The following OTUD7A variants were observed in gnomAD, a reference collection of about 807,000 sequenced individuals.
OTUD7A encodes the protein OTU deubiquitinase 7A, also known as OTU domain-containing protein 7A.
OTUD7A carries 12 observed loss-of-function variants against 65.7 expected under a neutral mutation model. The observed-to-expected ratio is 0.18, with a 90% confidence interval of 0.12 to 0.30. The LOEUF is 0.30. OTUD7A is among the 10% of genes least tolerant of loss of function. The pLI is 1.00. For synonymous variants in OTUD7A, 641 were observed against 586.3 expected (o/e 1.09, Z -1.35); for missense variants, 1,148 against 1,304.8 (o/e 0.88, Z 1.85).
intron 1 of OTUD7A, among the ~76,000 whole-genome samples, chr15:31,850,965 TCCCAC>T (rs1441284204): frequency 1.3e-5 from 2 of 151,816 alleles, no homozygotes; most frequent in Admixed American, 1.3e-4. Context: ...AGACAACAGC[TCCCAC>T]CCCACCAACA....
chr15:31,799,964 C>T (rs1896074879), intron 1 of OTUD7A, among the ~76,000 whole-genome samples: 1 of 152,158 alleles, frequency 6.6e-6, no homozygotes. Flanking sequence ...GGGAACCACA[C>T]ATTATGCTCT....
At chr15:31,840,644 G>A (rs1290050545) in intron 1 of OTUD7A, among the ~76,000 whole-genome samples, 1 of 151,960 alleles carries the variant, frequency 6.6e-6, no homozygotes, top group Admixed American at 6.5e-5. Flanking sequence ...CACTGGTAGT[G>A]GTGGAAAACA....
At chr15:31,615,463 G>A (rs1413718812) in intron 3 of OTUD7A, among the ~76,000 whole-genome samples, 1 of 152,062 alleles carries the variant, frequency 6.6e-6, no homozygotes, top group African/African-American at 2.4e-5. Flanking sequence ...AGGAAAAATC[G>A]ACAGAAAATA....
At chr15:31,814,525 TTC>T (rs1896500638) in intron 1 of OTUD7A, among the ~76,000 whole-genome samples, 1 of 151,206 alleles carries the variant, frequency 6.6e-6, no homozygotes, top group South Asian at 2.1e-4. Context: ...CTTGCGTAAG[TTC>T]TTTTTTTTTT....
At chr15:31,816,706 ATC>A (rs1567038595) in intron 1 of OTUD7A, among the ~76,000 whole-genome samples, 69 of 152,304 alleles carry the variant, frequency 4.5e-4, no homozygotes, top group African/African-American at 1.6e-3. Flanking sequence ...AAAAATTAGA[ATC>A]ACATGTTAAA....
At chr15:31,820,672 T>C (rs1175279815) in intron 1 of OTUD7A, among the ~76,000 whole-genome samples, 3 of 152,232 alleles carry the variant, frequency 2.0e-5, no homozygotes, top group African/African-American at 7.2e-5. Flanking sequence ...GTCCCAACAC[T>C]GGATCCAGTG....
At chr15:31,617,958 G>A (rs1303638840) in intron 3 of OTUD7A, among the ~76,000 whole-genome samples, 1 of 147,196 alleles carries the variant, frequency 6.8e-6, no homozygotes, top group Non-Finnish European at 1.5e-5. Flanking sequence ...GCCCTGGTGT[G>A]TGATGTTCCC....
At chr15:31,836,512 G>T (rs568562834) in intron 1 of OTUD7A, among the ~76,000 whole-genome samples, 29 of 152,104 alleles carry the variant, frequency 1.9e-4, no homozygotes, top group African/African-American at 7.0e-4. Context: ...CCAACTAATT[G>T]TATGAGGCTC....
chr15:31,603,651 A>G (rs553645787), intron 3 of OTUD7A, among the ~76,000 whole-genome samples: 368 of 152,350 alleles, frequency 2.4e-3, no homozygotes, highest in Middle Eastern at 0.01. Flanking sequence ...ATTAGAGTGA[A>G]CAGGCAACCT....
intron 9 of OTUD7A, among the ~76,000 whole-genome samples, chr15:31,502,462 G>A (rs749407837): frequency 3.3e-5 from 5 of 152,180 alleles, no homozygotes; most frequent in Non-Finnish European, 5.9e-5. Context: ...GTCATGAAAC[G>A]TCTTTACTTT....
intron 1 of OTUD7A, among the ~76,000 whole-genome samples, chr15:31,743,439 G>A (rs1486603670): frequency 6.6e-6 from 1 of 152,140 alleles, no homozygotes; most frequent in East Asian, 1.9e-4. Flanking sequence ...TTTTGGTAAT[G>A]CAGCTAAACT....
intron 1 of OTUD7A, among the ~76,000 whole-genome samples, chr15:31,675,179 T>C (rs35921305): frequency 1.3e-5 from 2 of 151,956 alleles, no homozygotes; most frequent in Non-Finnish European, 2.9e-5. Flanking sequence ...AATGAGTCCA[T>C]AACACAGAAA....
intron 4 of OTUD7A, among the ~76,000 whole-genome samples, chr15:31,569,156 C>T (rs1888967622): frequency 6.6e-6 from 1 of 152,186 alleles, no homozygotes; most frequent in Admixed American, 6.5e-5. Context: ...TAGAAACACA[C>T]ATGTGTTGGC....
chr15:31,735,634 T>C (rs978913723), intron 1 of OTUD7A, among the ~76,000 whole-genome samples: 8 of 152,040 alleles, frequency 5.3e-5, no homozygotes, highest in African/African-American at 1.7e-4. Flanking sequence ...AGTTCAACCA[T>C]TGTGGAAGAT....
Position 31,732,392 on chromosome 15 carries a change from G to C in OTUD7A, c.-99-75315C>G, listed in dbSNP as rs139252692. On this transcript the variant is annotated intron_variant, in intron 1 of 12. Transcript: ENST00000307050. Reference sequence around the variant, plus strand: ...CCAAGGGGAAGCTGGGGTTAAAAGGGTACATGTGGCCTCCTAGTTGTGATT... The same window carrying C: ...CCAAGGGGAAGCTGGGGTTAAAAGGCTACATGTGGCCTCCTAGTTGTGATT... 2.6e-4 allele frequency among the ~76,000 whole-genome samples: 39 copies of C among 152,320 alleles called. No homozygotes were observed. The East Asian group carries it at 6.2e-3, about 24-fold the overall frequency.
At chr15:31,835,425 A>G (rs547747752) in intron 1 of OTUD7A, among the ~76,000 whole-genome samples, 47 of 152,326 alleles carry the variant, frequency 3.1e-4, no homozygotes, top group African/African-American at 7.9e-4. Flanking sequence ...TTGACCTTCC[A>G]AAAACCATCT....
chr15:31,579,225 A>G (rs1889297575), intron 3 of OTUD7A, among the ~76,000 whole-genome samples: 1 of 152,252 alleles, frequency 6.6e-6, no homozygotes, highest in Non-Finnish European at 1.5e-5. Context: ...CAGAAAAAGC[A>G]GCAGGCCCAC....
rs182063927 is a variant in OTUD7A at position 31,766,986 on chromosome 15, A to G, written c.-100+103521T>C. On this transcript the variant is annotated intron_variant, in intron 1 of 12. Coordinates refer to ENST00000307050, the MANE Select transcript of OTUD7A (RefSeq NM_001382637.1). ...TACTTAACCCTATTAAATTATGACA[A>G]CTTCCTCCCATTATGTCATTAGCAC... The G allele has an allele frequency of 2.1e-4, 335 of 1,611,302 alleles. 5 individuals carry two copies. The African/African-American group carries it at 4.0e-3, about 19-fold the overall frequency.
At chr15:31,632,086 G>T (rs1229888951) in intron 3 of OTUD7A, among the ~76,000 whole-genome samples, 1 of 152,158 alleles carries the variant, frequency 6.6e-6, no homozygotes, top group African/African-American at 2.4e-5. Context: ...TCTTCTCTCA[G>T]CTCGTCAAAG....
Sources: allele counts gnomAD v4.1 joint callset (sites outside exome capture counted in the v4.1 genomes callset), GRCh38; gene constraint gnomAD v4.1.1; transcripts MANE v1.5; gene names NCBI Gene and HGNC (gene_info 2026-07-23, HGNC 2026-07-21).